Variants in EP300 observed in about 807,000 individuals in gnomAD.
EP300 encodes histone acetyltransferase p300.
EP300 carries 31 observed loss-of-function variants against 264.0 expected under a neutral mutation model. That is an observed-to-expected ratio of 0.12 (90% CI 0.09 to 0.16). EP300 has a LOEUF of 0.16. Ranked by LOEUF, EP300 falls within the 10% of genes least tolerant of loss-of-function variation. The pLI is 1.00. For missense variants in EP300, 2,766 were observed against 3,052.9 expected, an observed-to-expected ratio of 0.91 and a Z score of 2.21; for synonymous variants, 1,340 against 1,045.4, an observed-to-expected ratio of 1.28 and a Z score of -5.44.
At chr22:41,139,663 G>A (rs570930693) in intron 8 of EP300, among the ~76,000 whole-genome samples, 29 of 152,146 alleles carry the variant, frequency 1.9e-4, no homozygotes, top group Non-Finnish European at 2.9e-4. Flanking sequence ...GAATCATTAC[G>A]CATTTCTGGT....
At chr22:41,160,449 C>T in intron 19 of EP300, 193 bp from the exon 20 acceptor site, 1 of 397,596 alleles carries the variant, frequency 2.5e-6, no homozygotes, top group Non-Finnish European at 4.5e-6. Context: ...AACAAAAAAA[C>T]AAACAAAAAA....
intron 23 of EP300, among the ~76,000 whole-genome samples, chr22:41,167,627 T>A (rs1230241135): frequency 2.9e-5 from 3 of 104,194 alleles, no homozygotes; most frequent in East Asian, 4.9e-4. Flanking sequence ...TATATATATA[T>A]ATATATATAA....
chr22:41,141,578 C>T (rs1439014215), intron 10 of EP300, among the ~76,000 whole-genome samples: 2 of 152,118 alleles, frequency 1.3e-5, no homozygotes, highest in South Asian at 2.1e-4. Flanking sequence ...GTAGGCTGAC[C>T]AGGTTCAGGA....
intron 2 of EP300, among the ~76,000 whole-genome samples, chr22:41,125,167 G>A (rs1466518353): frequency 4.3e-5 from 6 of 140,276 alleles, no homozygotes; most frequent in Non-Finnish European, 9.0e-5. Context: ...CGCCCAGGCT[G>A]GAGTGCAGCG....
intron 29 of EP300, among the ~76,000 whole-genome samples, chr22:41,175,589 AC>A (rs2059195952): frequency 6.6e-6 from 1 of 152,222 alleles, no homozygotes; most frequent in Non-Finnish European, 1.5e-5. Context: ...GAAAAGTTAC[AC>A]AGGAAAGTTG....
chr22:41,119,934 G>A lies in EP300; in HGVS notation c.729+2113G>A, dbSNP rs1376744137. ...GGTTCAGGCAGTTCTCCTGCCTCAGGCTCCAAGTAGCTGGGACCACAGGCA... is the reference window on the plus strand; with the variant it reads ...GGTTCAGGCAGTTCTCCTGCCTCAGACTCCAAGTAGCTGGGACCACAGGCA... On this transcript the variant is annotated intron_variant, in intron 2 of 30. Coordinates refer to ENST00000263253, the MANE Select transcript of EP300 (RefSeq NM_001429.4). Among the ~76,000 whole-genome samples the A allele has an allele frequency of 2.6e-5, 4 of 152,016 alleles. No homozygotes were observed. In the East Asian group the frequency reaches 5.8e-4, roughly 22 times the overall value.
chr22:41,147,780 T>C, intron 11 of EP300, 57 bp from the exon 12 acceptor site: 1 of 1,175,374 alleles, frequency 8.5e-7, no homozygotes. Context: ...GAATTCTATC[T>C]TTTATTATTC....
At chr22:41,124,651 AAAGAAG>A (rs375609066) in intron 2 of EP300, among the ~76,000 whole-genome samples, 2 of 152,170 alleles carry the variant, frequency 1.3e-5, no homozygotes, top group Admixed American at 1.3e-4. Flanking sequence ...TAGTCAAAAA[AAAGAAG>A]AAGAAGAAAA....
At chr22:41,172,351 C>T in intron 27 of EP300, 148 bp from the exon 28 acceptor site, 1 of 683,958 alleles carries the variant, frequency 1.5e-6, no homozygotes, top group Non-Finnish European at 2.5e-6. Flanking sequence ...TTTCTAAATA[C>T]TCCCTGGCTT....
intron 1 of EP300, among the ~76,000 whole-genome samples, chr22:41,104,533 G>A (rs888716028): frequency 6.6e-6 from 1 of 151,832 alleles, no homozygotes; most frequent in African/African-American, 2.4e-5. Flanking sequence ...CAGGCGATCC[G>A]CCCGCCTCGG....
chr22:41,113,347 G>A (rs979780461), intron 1 of EP300, among the ~76,000 whole-genome samples: 2 of 151,762 alleles, frequency 1.3e-5, no homozygotes, highest in African/African-American at 4.8e-5. Flanking sequence ...CCTTCTTGAA[G>A]TTCGTCTTTT....
At position 41,176,847 on chromosome 22, in the gene EP300, A is replaced by G; in HGVS notation, c.5136A>G (p.Leu1712=). The change falls in exon 31 of 31, where the codon TTA becomes TTG. Residue 1712 remains leucine (L), a synonymous_variant. Coordinates refer to ENST00000263253, the MANE Select transcript of EP300 (RefSeq NM_001429.4). The part of the protein sequence containing the change: ...DHKMEKLGLG[L]DDESNNQQAA... Reference sequence around the variant, plus strand: ...AAATGGAGAAACTAGGCCTTGGCTTAGATGATGAGAGCAACAACCAGCAGG... The same window carrying G: ...AAATGGAGAAACTAGGCCTTGGCTTGGATGATGAGAGCAACAACCAGCAGG... The G allele has an allele frequency of 1.2e-6, 2 of 1,614,154 alleles. No homozygotes were observed. Among genetic ancestry groups the G allele is most frequent in the Non-Finnish European group, 1.7e-6 (2 of 1,180,010 alleles).
intron 13 of EP300, among the ~76,000 whole-genome samples, 197 bp from the exon 14 acceptor site, chr22:41,149,564 C>G (rs573585017): frequency 6.6e-5 from 10 of 152,196 alleles, no homozygotes; most frequent in Non-Finnish European, 1.3e-4. Flanking sequence ...TTTGAAGTCT[C>G]TTTAGTTAAG....
At chr22:41,137,862 T>G in intron 8 of EP300, 72 bp downstream of exon 8, 5 of 1,603,440 alleles carry the variant, frequency 3.1e-6, no homozygotes, top group Non-Finnish European at 4.3e-6. Flanking sequence ...CTCCTGGGCA[T>G]TTAATTACTA....
At position 41,150,083 on chromosome 22, in the gene EP300, T is replaced by G; in HGVS notation, c.2702T>G (p.Leu901Arg). ...CTTCCCCAACAAGTGCAGCCTTCAC[T>G]TCCTGCTGCACCTTCTGCTGACCAG... ...TQLPQQVQPS[L>R]PAAPSADQPQ... The change falls in exon 14 of 31, where the codon CTT becomes CGT. Residue 901 changes from leucine (L) to arginine (R), a missense_variant. Leu to Arg is a moderately radical substitution (Grantham distance 102, BLOSUM62 -2). Coordinates refer to ENST00000263253, the MANE Select transcript of EP300 (RefSeq NM_001429.4). 2 of 1,613,720 alleles carry G rather than the reference T, an allele frequency of 1.2e-6. No individual in the cohort carries two copies. Among genetic ancestry groups the G allele is most frequent in the East Asian group, 4.5e-5 (2 of 44,888 alleles).
intron 8 of EP300, among the ~76,000 whole-genome samples, chr22:41,139,820 C>G (rs1323864420): frequency 1.3e-5 from 2 of 152,152 alleles, no homozygotes; most frequent in African/African-American, 4.8e-5. Context: ...GCAGATGGAA[C>G]TCTGAAGGCT....
chr22:41,104,287 G>A (rs1345794476), intron 1 of EP300, among the ~76,000 whole-genome samples: 4 of 151,214 alleles, frequency 2.6e-5, no homozygotes, highest in Non-Finnish European at 4.4e-5. Flanking sequence ...TCATCATGTA[G>A]TTTTTTTGGT....
rs746412830 is a variant in EP300 at position 41,127,476 on chromosome 22, A to G, written c.907-11A>G. 2 of 1,613,938 alleles carry G rather than the reference A, an allele frequency of 1.2e-6. No homozygotes were observed. Among genetic ancestry groups the G allele is most frequent in the Non-Finnish European group, 8.5e-7 (1 of 1,179,982 alleles). Reference sequence around the variant, plus strand: ...GACTCCTACCATTAAATATATTGTTATATCTCTCAGGGTCAACAGCCAGCC... The same window carrying G: ...GACTCCTACCATTAAATATATTGTTGTATCTCTCAGGGTCAACAGCCAGCC... On this transcript the variant is annotated splice_polypyrimidine_tract_variant and intron_variant, in intron 3 of 30. Transcript: ENST00000263253.
intron 15 of EP300, 22 bp downstream of exon 15, chr22:41,152,034 T>C: frequency 6.2e-7 from 1 of 1,613,920 alleles, no homozygotes; most frequent in South Asian, 1.1e-5. Flanking sequence ...GCAATTACTG[T>C]TTGATTTGGT....
Sources: gnomAD v4.1 joint callset for allele counts (sites outside exome capture counted in the v4.1 genomes callset) on GRCh38, gnomAD v4.1.1 for gene constraint, MANE v1.5 for transcripts, NCBI Gene and HGNC (gene_info 2026-07-23, HGNC 2026-07-21) for gene names.